Variants in SLC1A3 observed in about 807,000 individuals in gnomAD.
SLC1A3 encodes the protein excitatory amino acid transporter 1.
SLC1A3 carries 21 observed loss-of-function variants against 48.1 expected under a neutral mutation model. That is an observed-to-expected ratio of 0.44 (90% CI 0.31 to 0.63). SLC1A3 has a LOEUF of 0.63. Ranked by LOEUF, SLC1A3 falls within the 20% of genes least tolerant of loss-of-function variation. SLC1A3 has a pLI of 0.08. For missense variants in SLC1A3, 546 were observed against 689.0 expected, an observed-to-expected ratio of 0.79 and a Z score of 2.32; for synonymous variants, 239 against 251.4, an observed-to-expected ratio of 0.95 and a Z score of 0.47.
chr5:36,685,055 T>C (rs1044636019), intron 9 of SLC1A3, among the ~76,000 whole-genome samples: 2 of 152,238 alleles, frequency 1.3e-5, no homozygotes, highest in African/African-American at 4.8e-5. Flanking sequence ...TGAAACAGCA[T>C]TTGATCTATA....
At chr5:36,664,051 G>C (rs892186250) in intron 3 of SLC1A3, among the ~76,000 whole-genome samples, 2 of 152,152 alleles carry the variant, frequency 1.3e-5, no homozygotes, top group African/African-American at 4.8e-5. Flanking sequence ...CAAGTTCTTG[G>C]GTATGGTGGA....
At chr5:36,638,020 C>T (rs1046494117) in intron 3 of SLC1A3, among the ~76,000 whole-genome samples, 6 of 152,084 alleles carry the variant, frequency 3.9e-5, no homozygotes, top group African/African-American at 1.2e-4. Flanking sequence ...TGTTTTCTGG[C>T]GCCACAGTCC....
chr5:36,641,141 T>C (rs1426743609), intron 3 of SLC1A3, among the ~76,000 whole-genome samples: 1 of 152,174 alleles, frequency 6.6e-6, no homozygotes, highest in East Asian at 1.9e-4. Context: ...GCATGATACA[T>C]CTTTAGTATA....
chr5:36,605,317 T>C (rs1738889213), upstream of SLC1A3, among the ~76,000 whole-genome samples: 1 of 152,200 alleles, frequency 6.6e-6, no homozygotes. Flanking sequence ...GAAGGGTCAC[T>C]GAGGGCTGGG....
chr5:36,643,653 C>A (rs2111817516), intron 3 of SLC1A3, among the ~76,000 whole-genome samples: 1 of 152,304 alleles, frequency 6.6e-6, no homozygotes, highest in South Asian at 2.1e-4. Flanking sequence ...GAATTCCTTA[C>A]TGTAGTTAAC....
chr5:36,665,926 G>A lies in SLC1A3; in HGVS notation c.320-5103G>A, dbSNP rs540431429. ...ATCTAACTTTTAATGATTTGTCTTC[G>A]GTTCCAGAACCCTTAGAATCATAGC... is the stretch of plus-strand genomic sequence containing the variant. On this transcript the variant is annotated intron_variant, in intron 3 of 9. Transcript: ENST00000265113. Among the ~76,000 whole-genome samples the A allele has an allele frequency of 1.2e-4, 18 of 152,208 alleles. No individual in the cohort carries two copies. In the South Asian group the frequency reaches 1.5e-3, roughly 12 times the overall value.
At chr5:36,638,256 C>A (rs764424558) in intron 3 of SLC1A3, among the ~76,000 whole-genome samples, 32 of 152,132 alleles carry the variant, frequency 2.1e-4, no homozygotes, top group Admixed American at 3.9e-4. Context: ...CTTTGCATTG[C>A]CTAGAGGACA....
chr5:36,681,933 A>G (rs1442948875), intron 8 of SLC1A3, among the ~76,000 whole-genome samples: 1 of 152,200 alleles, frequency 6.6e-6, no homozygotes, highest in Non-Finnish European at 1.5e-5. Context: ...AGGGAAGTTG[A>G]AACAATATTA....
intron 8 of SLC1A3, among the ~76,000 whole-genome samples, chr5:36,680,815 G>A (rs999502125): frequency 6.6e-6 from 1 of 152,048 alleles, no homozygotes; most frequent in African/African-American, 2.4e-5. Flanking sequence ...TACTTGGGAG[G>A]CTGAAGCAGG....
chr5:36,636,462 C>T lies in SLC1A3; in HGVS notation c.319+6875C>T, dbSNP rs112469285. 120 of 67,562 alleles carry T rather than the reference C, an allele frequency of 1.8e-3. 1 individual carries two copies. Among genetic ancestry groups the T allele is most frequent in the African/African-American group, 6.5e-3 (107 of 16,416 alleles). The allele number at this position is 67,562 out of a possible 1,614,324, so 4.2% of individuals were successfully genotyped here. A position where few individuals can be genotyped will look rare whatever the true frequency, so the allele number is the denominator to read the frequency against. The stretch of plus-strand genomic sequence containing the variant: ...GTCTTTTCTTTTTCTTTCTTTCTTT[C>T]TTTTCTTTCTTTCTTTCTTTCTTTC... On this transcript the variant is annotated intron_variant, in intron 3 of 9. Transcript: ENST00000265113.
intron 3 of SLC1A3, among the ~76,000 whole-genome samples, chr5:36,646,767 G>T (rs1740856452): frequency 6.6e-6 from 1 of 152,188 alleles, no homozygotes; most frequent in South Asian, 2.1e-4. Flanking sequence ...TCTCTCTAGA[G>T]AGACAATTCC....
chr5:36,655,625 C>T (rs1741255032), intron 3 of SLC1A3, among the ~76,000 whole-genome samples: 1 of 152,170 alleles, frequency 6.6e-6, no homozygotes, highest in Non-Finnish European at 1.5e-5. Flanking sequence ...TAACCAGTTT[C>T]CAACTCATGC....
upstream of SLC1A3, among the ~76,000 whole-genome samples, chr5:36,603,614 C>T (rs771157906): frequency 3.2e-4 from 48 of 152,136 alleles, no homozygotes; most frequent in Non-Finnish European, 5.4e-4. Flanking sequence ...TGTTGTTCTG[C>T]TTTTTACATT....
intron 8 of SLC1A3, among the ~76,000 whole-genome samples, chr5:36,681,038 G>GT: frequency 6.6e-6 from 1 of 152,166 alleles, no homozygotes; most frequent in Non-Finnish European, 1.5e-5. Flanking sequence ...ATTTTAATTG[G>GT]TTTTTTTAGA....
chr5:36,642,274 T>C (rs1018345136), intron 3 of SLC1A3, among the ~76,000 whole-genome samples: 1 of 152,102 alleles, frequency 6.6e-6, no homozygotes, highest in African/African-American at 2.4e-5. Context: ...CCAAGTGAGG[T>C]CAAGTGTCTG....
At chr5:36,597,013 T>C (rs1398241123) in intron 1 of SLC1A3, among the ~76,000 whole-genome samples, 1 of 152,100 alleles carries the variant, frequency 6.6e-6, no homozygotes, top group Non-Finnish European at 1.5e-5. Flanking sequence ...TTTGGGTTTT[T>C]TGGTTTGTTT....
chr5:36,664,000 G>T lies in SLC1A3; in HGVS notation c.320-7029G>T, dbSNP rs117802741. Among the ~76,000 whole-genome samples the T allele has an allele frequency of 9.5e-4, 144 of 152,220 alleles. 2 individuals are homozygous for T. In the East Asian group the frequency reaches 0.023, roughly 24 times the overall value. On this transcript the variant is annotated intron_variant, in intron 3 of 9. Transcript: ENST00000265113. Reference sequence around the variant, plus strand: ...CAAGTGAAATGACCCAATACCCAAGGTCACTATCCTCATTCTGTGGTCTCC... The same window carrying T: ...CAAGTGAAATGACCCAATACCCAAGTTCACTATCCTCATTCTGTGGTCTCC...
At chr5:36,599,617 C>T (rs1738784023) in intron 1 of SLC1A3, among the ~76,000 whole-genome samples, 5 of 141,550 alleles carry the variant, frequency 3.5e-5, no homozygotes, top group Admixed American at 2.3e-4. Flanking sequence ...TCAAGCGATT[C>T]TCCTGCCTCA....
chr5:36,600,381 T>A (rs1246800802), intron 1 of SLC1A3, among the ~76,000 whole-genome samples: 1 of 152,176 alleles, frequency 6.6e-6, no homozygotes, highest in Non-Finnish European at 1.5e-5. Flanking sequence ...ATACTGTATT[T>A]GCCCAACCTT....
Sources: gnomAD v4.1 joint callset for allele counts (sites outside exome capture counted in the v4.1 genomes callset) on GRCh38, gnomAD v4.1.1 for gene constraint, MANE v1.5 for transcripts, NCBI Gene and HGNC (gene_info 2026-07-23, HGNC 2026-07-21) for gene names.